The following ATP7A variants were observed in gnomAD, a reference collection of about 807,000 sequenced individuals.
ATP7A encodes the protein ATPase copper transporting alpha, also known as copper-transporting ATPase 1.
In ATP7A, 7 loss-of-function variants were observed where a neutral mutation model predicts 83.5. That is an observed-to-expected ratio of 0.08 (90% CI 0.05 to 0.16). ATP7A has a LOEUF of 0.16. Among genes scored for constraint, ATP7A ranks in the 10% least tolerant of loss-of-function variants. ATP7A has a pLI of 1.00. For missense variants in ATP7A, 940 were observed against 1,120.8 expected (o/e 0.84, Z 2.30); for synonymous variants, 354 against 395.2 (o/e 0.90, Z 1.24).
chrX:77,913,446 G>T (rs1557222160), intron 1 of ATP7A, among the ~76,000 whole-genome samples: 1 of 111,396 alleles, frequency 9.0e-6, no homozygotes, highest in African/African-American at 3.3e-5. Flanking sequence ...ATAGGCAATG[G>T]TTAGGCAGAG....
intron 1 of ATP7A, among the ~76,000 whole-genome samples, chrX:77,941,789 A>G (rs1268041028): frequency 8.9e-6 from 1 of 112,091 alleles, no homozygotes; most frequent in African/African-American, 3.2e-5. Context: ...GGATCTGAGA[A>G]CTAACATCAC....
intron 4 of ATP7A, among the ~76,000 whole-genome samples, chrX:77,992,179 C>A (rs529486083): frequency 2.8e-5 from 3 of 108,986 alleles, no homozygotes; most frequent in African/African-American, 1.0e-4. Flanking sequence ...ATTCTCCTGC[C>A]TCAGCCTCCT....
Position 78,014,700 on chromosome X carries a change from A to G in ATP7A, c.2445A>G (p.Leu815=), listed in dbSNP as rs782694822. The change falls in exon 11 of 23, where the codon CTA becomes CTG. Residue 815 remains leucine (L), a synonymous_variant. Coordinates refer to ENST00000341514, the MANE Select transcript of ATP7A (RefSeq NM_000052.7). ...AGGCTCTTGCAAAGTTAATTTCACT[A>G]CAAGCTACAGAAGCAACTATTGTAA... ...TSEALAKLIS[L]QATEATIVTL... is the part of the protein sequence containing the mutation. 5.0e-6 allele frequency: 6 copies of G among 1,209,463 alleles called. No individual in the cohort carries two copies. The highest frequency in any genetic ancestry group is 5.6e-6 in the Non-Finnish European group (5 of 893,990).
intron 17 of ATP7A, among the ~76,000 whole-genome samples, chrX:78,034,597 CT>C (rs1557237536): frequency 9.0e-6 from 1 of 111,255 alleles, no homozygotes; most frequent in African/African-American, 3.3e-5. Context: ...GACCATTGAC[CT>C]CACTGCTCTC....
Position 77,989,214 on chromosome X carries a change from AT to A in ATP7A, c.611-16del. 2.5e-6 allele frequency: 3 copies of A among 1,192,782 alleles called. No individual in the cohort carries two copies. In the South Asian group the frequency reaches 5.5e-5, roughly 22 times the overall value. On this transcript the variant is annotated intron_variant, in intron 3 of 22. Transcript: ENST00000341514. ...GCCCAGGAATAACTGAATTAATTATATTTCTTTTTATTAACTAGTCTCCCTG... is the reference window on the plus strand; with the variant it reads ...GCCCAGGAATAACTGAATTAATTATATTCTTTTTATTAACTAGTCTCCCTG...
At chrX:77,964,914 A>T (rs2077495270) in intron 1 of ATP7A, 1 of 112,436 alleles carries the variant, frequency 8.9e-6, no homozygotes. Context: ...ATGATTTATA[A>T]TCCTTCGGGT....
Position 78,048,389 on chromosome X carries a change from T to C in ATP7A, c.*1819T>C, listed in dbSNP as rs12010382. ...CATAGGATTTGTACTCGGTAAATGT[T>C]AGTTCTTTTCTCCCCTTGAGGTCAG... On this transcript the variant is annotated 3_prime_UTR_variant, in exon 23 of 23. Transcript: ENST00000341514. 768 of 112,404 alleles carry C rather than the reference T, an allele frequency of 6.8e-3. 8 individuals are homozygous for C. Among genetic ancestry groups the C allele is most frequent in the African/African-American group, 0.024 (736 of 30,918 alleles). The allele number at this position is 112,404 out of a possible 1,213,427, so 9.3% of individuals were successfully genotyped here. A position where few individuals can be genotyped will look rare whatever the true frequency, so the allele number is the denominator to read the frequency against.
intron 2 of ATP7A, among the ~76,000 whole-genome samples, chrX:77,984,931 T>C (rs782081641): frequency 8.9e-6 from 1 of 112,422 alleles, no homozygotes; most frequent in South Asian, 3.7e-4. Context: ...ACTTCTCTTT[T>C]GTGTAGTATT....
intron 2 of ATP7A, among the ~76,000 whole-genome samples, chrX:77,976,768 A>G (rs1296076240): frequency 1.8e-5 from 2 of 112,457 alleles, no homozygotes; most frequent in Non-Finnish European, 3.8e-5. Context: ...GTGGCTAGAA[A>G]AGTTTTATTT....
At chrX:77,990,040 A>G (rs781971363) in intron 4 of ATP7A, 82 bp downstream of exon 4, 10 of 1,153,982 alleles carry the variant, frequency 8.7e-6, no homozygotes, top group Non-Finnish European at 9.4e-6. Context: ...TCAATGAGAA[A>G]TGATTCATAG....
intron 1 of ATP7A, among the ~76,000 whole-genome samples, chrX:77,962,199 G>A (rs1265068848): frequency 4.5e-5 from 5 of 111,755 alleles, no homozygotes; most frequent in Non-Finnish European, 9.4e-5. Context: ...TGCCGTCCCA[G>A]TGAGGCTGGA....
intron 19 of ATP7A, among the ~76,000 whole-genome samples, chrX:78,040,943 T>C (rs182438622): frequency 8.9e-6 from 1 of 111,951 alleles, no homozygotes; most frequent in East Asian, 2.8e-4. Context: ...GCTTAGTTCA[T>C]GGGATGCTTG....
intron 1 of ATP7A, among the ~76,000 whole-genome samples, chrX:77,915,291 G>C (rs782368053): frequency 1.8e-5 from 2 of 108,718 alleles, no homozygotes; most frequent in Non-Finnish European, 3.8e-5. Context: ...CTCCACCCTG[G>C]ATGAGAGAGT....
chrX:78,009,150 C>T lies in ATP7A; in HGVS notation c.1756C>T (p.Leu586Phe). 13 of 1,210,103 alleles carry T rather than the reference C, an allele frequency of 1.1e-5. No homozygotes were observed. Among genetic ancestry groups the T allele is most frequent in the Non-Finnish European group, 1.5e-5 (13 of 894,409 alleles). The change falls in exon 7 of 23, where the codon CTC (leucine) becomes TTC (phenylalanine). Residue 586 changes from leucine to phenylalanine, a missense_variant. By Grantham distance (22) the Leu-to-Phe change is conservative (BLOSUM62 0). This residue lies in a region of ATP7A where 204 missense variants were observed against 185.8 expected (regional missense o/e 1.10). Coordinates refer to ENST00000341514, the MANE Select transcript of ATP7A (RefSeq NM_000052.7). ...ASCVHKIESSLTKHRGILYCS... is the reference protein window; with the variant it reads ...ASCVHKIESSFTKHRGILYCS... Reference sequence around the variant, plus strand: ...CTGCGTACATAAAATAGAGTCTAGTCTCACAAAACACAGAGGGATCCTATA... The same window carrying T: ...CTGCGTACATAAAATAGAGTCTAGTTTCACAAAACACAGAGGGATCCTATA...
chrX:77,922,895 A>G (rs2077223293), intron 1 of ATP7A: 1 of 112,190 alleles, frequency 8.9e-6, no homozygotes, highest in African/African-American at 3.2e-5. Context: ...GAACTTAGCC[A>G]TATTAGTAAG....
At chrX:77,928,395 A>G (rs1303669589) in intron 1 of ATP7A, among the ~76,000 whole-genome samples, 1 of 67,657 alleles carries the variant, frequency 1.5e-5, no homozygotes, top group Non-Finnish European at 2.9e-5. Context: ...TGATTTAATT[A>G]TAACACACAT....
At chrX:77,991,571 C>A (rs1163126945) in intron 4 of ATP7A, among the ~76,000 whole-genome samples, 1 of 111,265 alleles carries the variant, frequency 9.0e-6, no homozygotes, top group African/African-American at 3.3e-5. Context: ...GTTTTTATTT[C>A]TCCTGGGTAT....
intron 1 of ATP7A, among the ~76,000 whole-genome samples, chrX:77,962,030 CAT>C (rs782797512): frequency 9.8e-5 from 11 of 112,055 alleles, no homozygotes; most frequent in Admixed American, 4.7e-4. Context: ...ACAAAAGAGA[CAT>C]AAAACCAAAT....
chrX:77,932,458 C>T (rs1250307906), intron 1 of ATP7A, among the ~76,000 whole-genome samples: 6 of 90,303 alleles, frequency 6.6e-5, no homozygotes, highest in Admixed American at 6.0e-4. Flanking sequence ...ACGTCCCAGA[C>T]GATGGGCGGC....
Sources: gnomAD v4.1 joint callset for allele counts (sites outside exome capture counted in the v4.1 genomes callset) on GRCh38, gnomAD v4.1.1 for gene constraint, gnomAD v4.1.1 regional missense constraint, MANE v1.5 for transcripts, NCBI Gene and HGNC (gene_info 2026-07-23, HGNC 2026-07-21) for gene names.